The following BLVRA variants were observed in gnomAD, a reference collection of about 807,000 sequenced individuals.
BLVRA encodes biliverdin reductase A.
Under a neutral mutation model 32.8 loss-of-function variants are expected in BLVRA, and 22 were observed. That is an observed-to-expected ratio of 0.67 (90% confidence interval 0.48 to 0.96). The LOEUF (loss-of-function observed/expected upper bound fraction) is 0.96, where lower values mean the gene tolerates loss of function less well. BLVRA is among the 40% of genes least tolerant of loss of function. The probability of loss-of-function intolerance (pLI) is 0.00; values close to 1 mark genes in which losing one functional copy is unlikely to be tolerated. For synonymous variants in BLVRA, 119 were observed against 141.3 expected, an observed-to-expected ratio of 0.84 and a Z score of 1.12; for missense variants, 323 against 358.1, an observed-to-expected ratio of 0.90 and a Z score of 0.79.
intron 5 of BLVRA, among the ~76,000 whole-genome samples, chr7:43,799,553 A>G (rs940486449): frequency 6.6e-6 from 1 of 152,006 alleles, no homozygotes; most frequent in Non-Finnish European, 1.5e-5. Flanking sequence ...GCTAACTGCA[A>G]CCTCCACCTC....
chr7:43,786,976 G>C (rs1254549781), intron 2 of BLVRA, among the ~76,000 whole-genome samples: 1 of 151,968 alleles, frequency 6.6e-6, no homozygotes, highest in Non-Finnish European at 1.5e-5. Flanking sequence ...AGGCTGGAGT[G>C]CAGTGGCGCT....
rs564390453 is a variant in BLVRA at position 43,803,925 on chromosome 7, C to T, written c.632+78C>T. 1.5e-5 allele frequency: 23 copies of T among 1,556,654 alleles called. No homozygotes were observed. The East Asian group carries it at 4.7e-4, about 32-fold the overall frequency. ...TTTGCAGGTATGATCCAAAGGGAGCCCCGAGGGGCTAGACCCTCACTCCCA... is the reference window on the plus strand; with the variant it reads ...TTTGCAGGTATGATCCAAAGGGAGCTCCGAGGGGCTAGACCCTCACTCCCA... On this transcript the variant is annotated intron_variant, in intron 7 of 7. Transcript: ENST00000265523.
At chr7:43,782,911 G>A (rs1465151492) in intron 2 of BLVRA, among the ~76,000 whole-genome samples, 1 of 151,974 alleles carries the variant, frequency 6.6e-6, no homozygotes, top group Admixed American at 6.6e-5. Flanking sequence ...AAGCAGGGAG[G>A]TATGGGAGTG....
At chr7:43,800,340 G>A (rs768011480) in intron 5 of BLVRA, 125 bp from the exon 6 acceptor site, 1 of 885,974 alleles carries the variant, frequency 1.1e-6, no homozygotes, top group Non-Finnish European at 1.9e-6. Context: ...GGCCATCCTG[G>A]CCATGTGCCC....
intron 5 of BLVRA, among the ~76,000 whole-genome samples, chr7:43,795,675 G>A (rs929776223): frequency 5.9e-5 from 9 of 151,416 alleles, no homozygotes; most frequent in African/African-American, 1.7e-4. Flanking sequence ...AAACTCAATC[G>A]AAAATTAGCA....
intron 1 of BLVRA, among the ~76,000 whole-genome samples, chr7:43,766,334 ATG>A (rs2095747910): frequency 6.6e-6 from 1 of 151,952 alleles, no homozygotes; most frequent in South Asian, 2.1e-4. Context: ...GAAAATAAAA[ATG>A]TATCTATTTA....
intron 1 of BLVRA, among the ~76,000 whole-genome samples, chr7:43,768,546 T>A (rs1046442370): frequency 2.6e-5 from 4 of 152,102 alleles, no homozygotes; most frequent in African/African-American, 7.2e-5. Flanking sequence ...AGCTTTTTTT[T>A]TTGCCAGGGT....
At chr7:43,779,183 G>A (rs28697916) in intron 2 of BLVRA, among the ~76,000 whole-genome samples, 23,127 of 152,220 alleles carry the variant, frequency 0.15, 2,210 homozygotes, top group Non-Finnish European at 0.21. Flanking sequence ...CCCTAGTGAG[G>A]TGAACCCGGT....
At position 43,771,407 on chromosome 7, in the gene BLVRA, A is replaced by G. The variant is rs528146837; in HGVS notation, c.12+237A>G. 5.9e-5 allele frequency among the ~76,000 whole-genome samples: 9 copies of G among 152,260 alleles called. No homozygotes were observed. The South Asian group carries it at 1.9e-3, about 32-fold the overall frequency. ...CTTACCCACTGCAGCTAATCCTGAA[A>G]CAACACTCCCTAGCTCTGGCTAGTA... is the stretch of plus-strand genomic sequence containing the variant. On this transcript the variant is annotated intron_variant, in intron 2 of 7. Coordinates refer to ENST00000265523, the MANE Select transcript of BLVRA (RefSeq NM_000712.4).
chr7:43,792,180 C>T (rs984781809), intron 4 of BLVRA, among the ~76,000 whole-genome samples: 2 of 152,290 alleles, frequency 1.3e-5, no homozygotes, highest in African/African-American at 4.8e-5. Flanking sequence ...TAGTCCACTC[C>T]CCTGCCACAC....
intron 2 of BLVRA, among the ~76,000 whole-genome samples, chr7:43,776,461 T>A (rs955222313): frequency 1.4e-4 from 21 of 152,166 alleles, no homozygotes; most frequent in African/African-American, 4.8e-4. Flanking sequence ...TTTGAGTGAG[T>A]TTCTTAATCC....
At chr7:43,774,495 T>C (rs1314905990) in intron 2 of BLVRA, among the ~76,000 whole-genome samples, 1 of 152,248 alleles carries the variant, frequency 6.6e-6, no homozygotes, top group Non-Finnish European at 1.5e-5. Context: ...TCCATTGATC[T>C]ATATCTCTGT....
intron 5 of BLVRA, among the ~76,000 whole-genome samples, chr7:43,799,911 A>G (rs527452908): frequency 6.6e-6 from 1 of 152,038 alleles, no homozygotes; most frequent in Non-Finnish European, 1.5e-5. Flanking sequence ...TTGTTCTCTT[A>G]AATTTTCATT....
At position 43,778,115 on chromosome 7, in the gene BLVRA, G is replaced by T. The variant is rs185518995; in HGVS notation, c.12+6945G>T. 4.8e-3 allele frequency among the ~76,000 whole-genome samples: 727 copies of T among 152,196 alleles called. 8 individuals carry two copies. The highest frequency in any genetic ancestry group is 3.8e-3 in the Non-Finnish European group (258 of 68,008). ...TTCCTCCTGTAGCTCAGAGTAGTTT[G>T]ATCATCTGAAGCCTTCTTCTCTCAA... is the stretch of plus-strand genomic sequence containing the variant. On this transcript the variant is annotated intron_variant, in intron 2 of 7. Transcript: ENST00000265523.
At chr7:43,805,236 A>G (rs945334825) in intron 7 of BLVRA, among the ~76,000 whole-genome samples, 5 of 150,746 alleles carry the variant, frequency 3.3e-5, no homozygotes, top group African/African-American at 7.3e-5. Context: ...AGTAGAAGTC[A>G]ATGAGGAAGC....
intron 2 of BLVRA, among the ~76,000 whole-genome samples, chr7:43,784,433 T>C (rs1445978788): frequency 6.6e-6 from 1 of 152,176 alleles, no homozygotes; most frequent in Non-Finnish European, 1.5e-5. Context: ...CAGAGTGGTC[T>C]AGCCATCTCT....
chr7:43,781,512 ATTT>A (rs2095769425), intron 2 of BLVRA, among the ~76,000 whole-genome samples: 1 of 152,040 alleles, frequency 6.6e-6, no homozygotes. Flanking sequence ...CACCCAGCTA[ATTT>A]TAGTAGAGAC....
At chr7:43,802,233 A>C (rs1389655739) in intron 6 of BLVRA, among the ~76,000 whole-genome samples, 2 of 152,180 alleles carry the variant, frequency 1.3e-5, no homozygotes, top group Non-Finnish European at 2.9e-5. Context: ...CTTAGGCCCC[A>C]GTGATTTCAA....
chr7:43,796,060 T>C (rs964007417), intron 5 of BLVRA, among the ~76,000 whole-genome samples: 5 of 142,110 alleles, frequency 3.5e-5, no homozygotes, highest in African/African-American at 1.1e-4. Context: ...GGGGAGGTTG[T>C]GGTGAGCCGA....
Sources: allele counts gnomAD v4.1 joint callset (sites outside exome capture counted in the v4.1 genomes callset), GRCh38; gene constraint gnomAD v4.1.1; transcripts MANE v1.5; gene names NCBI Gene and HGNC (gene_info 2026-07-23, HGNC 2026-07-21).